The following NOVA1 variants were observed in gnomAD, a reference collection of about 807,000 sequenced individuals.
NOVA1 encodes RNA-binding protein Nova-1.
In NOVA1, 7 loss-of-function variants were observed where a neutral mutation model predicts 38.0. That is an observed-to-expected ratio of 0.18 (90% CI 0.10 to 0.35). The LOEUF is 0.35. Among genes scored for constraint, NOVA1 ranks in the 10% least tolerant of loss-of-function variants. NOVA1 has a pLI of 1.00. For synonymous variants in NOVA1, 270 were observed against 232.5 expected, an observed-to-expected ratio of 1.16 and a Z score of -1.47; for missense variants, 460 against 616.0, an observed-to-expected ratio of 0.75 and a Z score of 2.68.
chr14:26,595,827 C>T, intron 1 of NOVA1: 2 of 340,596 alleles, frequency 5.9e-6, no homozygotes, highest in Non-Finnish European at 1.1e-5. Flanking sequence ...AAACTGATGA[C>T]TAAATTCCAG....
intron 2 of NOVA1, among the ~76,000 whole-genome samples, chr14:26,570,175 TG>T (rs1473062883): frequency 6.6e-6 from 1 of 151,822 alleles, no homozygotes; most frequent in Non-Finnish European, 1.5e-5. Context: ...GGTGAAACCC[TG>T]TCTCTACTAA....
intron 4 of NOVA1, among the ~76,000 whole-genome samples, chr14:26,460,505 C>T (rs1394119344): frequency 1.3e-5 from 2 of 151,856 alleles, no homozygotes; most frequent in East Asian, 1.9e-4. Flanking sequence ...TAAAAAGGAA[C>T]GTTTTCTTTT....
chr14:26,465,979 G>A (rs944672428), intron 4 of NOVA1, among the ~76,000 whole-genome samples: 8 of 152,040 alleles, frequency 5.3e-5, no homozygotes, highest in Non-Finnish European at 8.8e-5. Context: ...CAGGAGTACA[G>A]GGGGGGAAGG....
chr14:26,536,222 G>T, intron 2 of NOVA1, among the ~76,000 whole-genome samples: 1 of 151,630 alleles, frequency 6.6e-6, no homozygotes, highest in East Asian at 1.9e-4. Flanking sequence ...AGGGTGGTGG[G>T]CGGTTGGGGA....
At chr14:26,460,736 C>G (rs1007160447) in intron 4 of NOVA1, among the ~76,000 whole-genome samples, 1 of 151,886 alleles carries the variant, frequency 6.6e-6, no homozygotes, top group Non-Finnish European at 1.5e-5. Context: ...AATTCCAAAA[C>G]GAGAAGGTAT....
chr14:26,521,253 A>G (rs1247053624), intron 2 of NOVA1, among the ~76,000 whole-genome samples: 1 of 152,120 alleles, frequency 6.6e-6, no homozygotes, highest in Non-Finnish European at 1.5e-5. Context: ...ACATGTTAAT[A>G]TATTTCATAC....
At chr14:26,505,995 TAAAGA>T (rs997103196) in intron 2 of NOVA1, among the ~76,000 whole-genome samples, 2 of 152,138 alleles carry the variant, frequency 1.3e-5, no homozygotes, top group African/African-American at 4.8e-5. Context: ...TAGTGAAATT[TAAAGA>T]AATTAATTTA....
intron 2 of NOVA1, among the ~76,000 whole-genome samples, chr14:26,570,581 ATG>A (rs1431919271): frequency 6.6e-6 from 1 of 152,056 alleles, no homozygotes; most frequent in Non-Finnish European, 1.5e-5. Context: ...ACATATGTGT[ATG>A]TGTACTGTAT....
Position 26,596,450 on chromosome 14 carries a change from C to G in NOVA1, c.136+851G>C. On this transcript the variant is annotated intron_variant, in intron 1 of 4. Coordinates refer to ENST00000539517, the MANE Select transcript of NOVA1 (RefSeq NM_002515.3). ...TTAATTTCCGTCAACTTGATCACAT[C>G]TTATACAGGAGACACCCCGGTAAAT... 3 of 916,728 alleles carry G rather than the reference C, an allele frequency of 3.3e-6. No individual in the cohort carries two copies. In the South Asian group the frequency reaches 4.3e-5, roughly 13 times the overall value. The allele number at this position is 916,728 out of a possible 1,614,324, so 56.8% of individuals were successfully genotyped here.
intron 2 of NOVA1, among the ~76,000 whole-genome samples, chr14:26,591,115 T>A (rs554233401): frequency 6.6e-6 from 1 of 151,706 alleles, no homozygotes; most frequent in Admixed American, 6.6e-5. Flanking sequence ...TTCCTTCATA[T>A]GTTAAGATTT....
chr14:26,537,892 T>C (rs1321447777), intron 2 of NOVA1, among the ~76,000 whole-genome samples: 1 of 152,134 alleles, frequency 6.6e-6, no homozygotes, highest in Non-Finnish European at 1.5e-5. Flanking sequence ...AGCTCCTCTA[T>C]GGATATGACA....
intron 2 of NOVA1, among the ~76,000 whole-genome samples, chr14:26,554,759 T>C (rs1001742237): frequency 2.6e-5 from 4 of 152,184 alleles, no homozygotes; most frequent in African/African-American, 9.6e-5. Flanking sequence ...TGACTATTCA[T>C]TTCTCTAAAA....
chr14:26,596,014 A>T, intron 1 of NOVA1: 1 of 303,828 alleles, frequency 3.3e-6, no homozygotes. Context: ...TCATTAGCAG[A>T]CACATAAGGA....
At chr14:26,474,409 T>C (rs564804314) in intron 3 of NOVA1, among the ~76,000 whole-genome samples, 8 of 152,180 alleles carry the variant, frequency 5.3e-5, no homozygotes, top group East Asian at 3.9e-4. Context: ...TAATTGCAAA[T>C]TGAACTTTTA....
chr14:26,579,057 T>TTG (rs1893047429), intron 2 of NOVA1, among the ~76,000 whole-genome samples: 1 of 131,656 alleles, frequency 7.6e-6, no homozygotes, highest in Admixed American at 7.7e-5. Context: ...GGTATTCTTT[T>TTG]TTTTTTTTTT....
intron 2 of NOVA1, among the ~76,000 whole-genome samples, chr14:26,521,547 T>A (rs1418062882): frequency 6.6e-6 from 1 of 152,086 alleles, no homozygotes; most frequent in African/African-American, 2.4e-5. Context: ...TTATAACAGA[T>A]TTGTCTTTGT....
At chr14:26,550,201 C>T (rs1891077082) in intron 2 of NOVA1, among the ~76,000 whole-genome samples, 1 of 152,028 alleles carries the variant, frequency 6.6e-6, no homozygotes, top group African/African-American at 2.4e-5. Flanking sequence ...TTATTCTGCT[C>T]AGCTAATTAT....
intron 2 of NOVA1, among the ~76,000 whole-genome samples, chr14:26,580,476 A>C (rs915915942): frequency 3.2e-4 from 49 of 152,216 alleles, no homozygotes; most frequent in African/African-American, 9.1e-4. Context: ...CAAAAACATA[A>C]ACAAATAAAA....
chr14:26,555,581 T>G, intron 2 of NOVA1, among the ~76,000 whole-genome samples: 1 of 152,160 alleles, frequency 6.6e-6, no homozygotes, highest in East Asian at 1.9e-4. Flanking sequence ...TTTTCTACTC[T>G]ACTTTCTCAC....
Sources: gnomAD v4.1 joint callset for allele counts (sites outside exome capture counted in the v4.1 genomes callset) on GRCh38, gnomAD v4.1.1 for gene constraint, MANE v1.5 for transcripts, NCBI Gene and HGNC (gene_info 2026-07-23, HGNC 2026-07-21) for gene names.